Variants in UBE2E1 observed in about 807,000 individuals in gnomAD.
The protein encoded by UBE2E1 is ubiquitin-conjugating enzyme E2 E1.
In UBE2E1, 6 loss-of-function variants were observed where a neutral mutation model predicts 21.4. That is an observed-to-expected ratio of 0.28 (90% CI 0.15 to 0.55). The LOEUF (loss-of-function observed/expected upper bound fraction) is 0.55. UBE2E1 is among the 20% of genes least tolerant of loss of function. The pLI is 0.93. For synonymous variants in UBE2E1, 87 were observed against 82.7 expected (o/e 1.05, Z -0.28); for missense variants, 142 against 236.5 (o/e 0.60, Z 2.62).
chr3:23,881,054 T>C (rs1293461189), intron 3 of UBE2E1, among the ~76,000 whole-genome samples: 1 of 152,226 alleles, frequency 6.6e-6, no homozygotes, highest in Non-Finnish European at 1.5e-5. Flanking sequence ...TCTCCAGGAT[T>C]GTAGGAAAAG....
At chr3:23,860,543 T>C (rs1700530664) in intron 3 of UBE2E1, among the ~76,000 whole-genome samples, 1 of 152,226 alleles carries the variant, frequency 6.6e-6, no homozygotes, top group African/African-American at 2.4e-5. Flanking sequence ...TGATACTATC[T>C]TACCTCATGC....
chr3:23,884,590 C>T (rs917462311), intron 3 of UBE2E1, among the ~76,000 whole-genome samples: 14 of 152,050 alleles, frequency 9.2e-5, no homozygotes, highest in African/African-American at 2.7e-4. Context: ...ACTGGTAAAC[C>T]TTTATTTTTT....
At chr3:23,841,197 C>T (rs1157383892) in intron 3 of UBE2E1, among the ~76,000 whole-genome samples, 1 of 151,952 alleles carries the variant, frequency 6.6e-6, no homozygotes, top group South Asian at 2.1e-4. Flanking sequence ...ACATCATGAG[C>T]GAGGAAAAAA....
chr3:23,817,676 G>A (rs1699559071), intron 3 of UBE2E1, among the ~76,000 whole-genome samples: 1 of 152,084 alleles, frequency 6.6e-6, no homozygotes, highest in Non-Finnish European at 1.5e-5. Context: ...GGTGAGAAGT[G>A]GGGTGGGGAA....
chr3:23,811,588 T>G, intron 3 of UBE2E1, 78 bp downstream of exon 3: 1 of 1,376,006 alleles, frequency 7.3e-7, no homozygotes, highest in East Asian at 2.4e-5. Flanking sequence ...TATTATATAC[T>G]TTTTCTTTGA....
chr3:23,842,142 T>TCTA lies in UBE2E1; in HGVS notation c.203+30632_203+30633insCTA, dbSNP rs1700097393. Among the ~76,000 whole-genome samples the TCTA allele has an allele frequency of 6.6e-6, 1 of 150,800 alleles. No homozygotes were observed. The highest frequency in any genetic ancestry group is 2.4e-5 in the African/African-American group (1 of 40,964). On this transcript the variant is annotated intron_variant, in intron 3 of 5. Transcript: ENST00000306627. This position sits in a 1 kb window ranked among gnomAD's most constrained non-coding sequence, Gnocchi z 4.6. ...CTATAATGGGCAGTGGAATCTCAGA[T>TCTA]GTTAGGATCAGGTAAGAAGAAAGAT...
At chr3:23,841,488 A>G (rs1375894498) in intron 3 of UBE2E1, among the ~76,000 whole-genome samples, 1 of 152,148 alleles carries the variant, frequency 6.6e-6, no homozygotes, top group Non-Finnish European at 1.5e-5. Flanking sequence ...CCACAAGAAT[A>G]TTTATATTAT....
chr3:23,890,295 C>G (rs1338396765), intron 5 of UBE2E1, among the ~76,000 whole-genome samples: 1 of 152,114 alleles, frequency 6.6e-6, no homozygotes, highest in East Asian at 1.9e-4. Context: ...TAAAGACAGA[C>G]CAGTACACTA....
chr3:23,889,563 T>A (rs1196965794), intron 5 of UBE2E1: 21 of 1,374,206 alleles, frequency 1.5e-5, no homozygotes, highest in Non-Finnish European at 1.5e-5. Flanking sequence ...CCCATAGAGT[T>A]CTTATAAAAC....
Position 23,879,043 on chromosome 3 carries a change from G to A in UBE2E1, c.204-8524G>A, listed in dbSNP as rs536001545. On this transcript the variant is annotated intron_variant, in intron 3 of 5. Coordinates refer to ENST00000306627, the MANE Select transcript of UBE2E1 (RefSeq NM_003341.5). ...AAATGCCAAGGACTTGATGAGCTCA[G>A]TTCACCCCTTGCCAACAATGTATCA... is the stretch of plus-strand genomic sequence containing the variant. 104 of 504,190 alleles carry A rather than the reference G, an allele frequency of 2.1e-4. 2 individuals are homozygous for A. The highest frequency in any genetic ancestry group is 1.4e-3 in the South Asian group (92 of 64,826). 31.2% of individuals were successfully genotyped at this position (504,190 alleles called of 1,614,324 possible).
rs1484557893 is a variant in UBE2E1, at chr3:23,887,125, AG to A, written c.204-441del. ...CTTTTAAAGGTGAGATTATGGAGAT[AG>A]AAGAGCAAGGAAGAGCCAGTTAGTG... On this transcript the variant is annotated intron_variant, in intron 3 of 5. Transcript: ENST00000306627. The surrounding 1 kb of genome is among the most constrained non-coding windows in gnomAD (Gnocchi z 4.4). Among the ~76,000 whole-genome samples the A allele has an allele frequency of 6.6e-6, 1 of 152,236 alleles. No homozygotes were observed. Among genetic ancestry groups the A allele is most frequent in the Non-Finnish European group, 1.5e-5 (1 of 68,044 alleles).
At chr3:23,855,723 A>G (rs1700420879) in intron 3 of UBE2E1, among the ~76,000 whole-genome samples, 1 of 151,938 alleles carries the variant, frequency 6.6e-6, no homozygotes, top group Non-Finnish European at 1.5e-5. Flanking sequence ...CCAGCTACTC[A>G]GGAGGCTGAG....
chr3:23,838,656 C>T (rs1700021700), intron 3 of UBE2E1, among the ~76,000 whole-genome samples: 1 of 152,002 alleles, frequency 6.6e-6, no homozygotes, highest in East Asian at 1.9e-4. Flanking sequence ...ACCAGCACTC[C>T]TGGCTAAATT....
At chr3:23,825,096 C>A (rs1006621428) in intron 3 of UBE2E1, among the ~76,000 whole-genome samples, 1 of 152,152 alleles carries the variant, frequency 6.6e-6, no homozygotes, top group Non-Finnish European at 1.5e-5. Context: ...TCATTTGCAC[C>A]ATGAGAATTG....
chr3:23,829,131 G>GATT (rs1204902252), intron 3 of UBE2E1, among the ~76,000 whole-genome samples: 3 of 139,858 alleles, frequency 2.1e-5, no homozygotes, highest in South Asian at 2.3e-4. Flanking sequence ...TAAGATGGAG[G>GATT]ATTATTATTA....
At chr3:23,871,508 G>A (rs953336705) in intron 3 of UBE2E1, among the ~76,000 whole-genome samples, 1 of 147,952 alleles carries the variant, frequency 6.8e-6, no homozygotes, top group East Asian at 2.0e-4. Flanking sequence ...CTGGCCTGGC[G>A]GGGGCTGACC....
At chr3:23,807,616 G>A (rs1362888087) in intron 2 of UBE2E1, 195 bp downstream of exon 2, 1 of 582,014 alleles carries the variant, frequency 1.7e-6, no homozygotes, top group African/African-American at 1.9e-5. Flanking sequence ...CTCACATGCA[G>A]CTGTTGCGGC....
chr3:23,867,949 T>A (rs566944256), intron 3 of UBE2E1, among the ~76,000 whole-genome samples: 6 of 152,214 alleles, frequency 3.9e-5, no homozygotes, highest in Non-Finnish European at 8.8e-5. Flanking sequence ...TAGTCACTGA[T>A]GATTTTCATT....
intron 3 of UBE2E1, among the ~76,000 whole-genome samples, chr3:23,883,904 C>CAAAAAA (rs35520751): frequency 2.3e-5 from 2 of 87,248 alleles, no homozygotes; most frequent in African/African-American, 4.1e-5. Flanking sequence ...TGACAGATCT[C>CAAAAAA]AAAAAAAAAA....
Sources: gnomAD v4.1 joint callset for allele counts (sites outside exome capture counted in the v4.1 genomes callset) on GRCh38, gnomAD v4.1.1 for gene constraint, Gnocchi (gnomAD v3.1) non-coding constraint, MANE v1.5 for transcripts, NCBI Gene and HGNC (gene_info 2026-07-23, HGNC 2026-07-21) for gene names.